Variants in BORCS5 observed in about 807,000 individuals in gnomAD.
BORCS5 encodes the protein BLOC-1-related complex subunit 5.
In BORCS5, 17 loss-of-function variants were observed where a neutral mutation model predicts 22.1. The observed-to-expected ratio is 0.77, with a 90% CI of 0.53 to 1.15. BORCS5 has a LOEUF of 1.15. Ranked by LOEUF, BORCS5 falls within the 50% of genes most tolerant of loss-of-function variation. The pLI, the probability that BORCS5 is intolerant of heterozygous loss-of-function variation, is 0.00. For missense variants in BORCS5, 247 were observed against 253.2 expected, an observed-to-expected ratio of 0.98 and a Z score of 0.17; for synonymous variants, 117 against 99.8, an observed-to-expected ratio of 1.17 and a Z score of -1.03.
chr12:12,394,540 T>TA lies in BORCS5; in HGVS notation c.202+33203dup, dbSNP rs34438755. 5.5e-3 allele frequency among the ~76,000 whole-genome samples: 810 copies of TA among 147,126 alleles called. 6 individuals are homozygous for TA. The highest frequency in any genetic ancestry group is 0.012 in the African/African-American group (475 of 40,036). ...ATGTCACATAATTTTTGCCGCCCTT[T>TA]AAAAAAAAAAAATTTAAAGAGACAG... On this transcript the variant is annotated intron_variant, in intron 2 of 3. Coordinates refer to ENST00000314565, the MANE Select transcript of BORCS5 (RefSeq NM_058169.6).
chr12:12,374,032 G>C (rs1358998411), intron 2 of BORCS5, among the ~76,000 whole-genome samples: 1 of 137,762 alleles, frequency 7.3e-6, no homozygotes, highest in African/African-American at 2.9e-5. Context: ...CTGTCGCCCA[G>C]GCTTGAGTGC....
At chr12:12,432,824 G>C (rs575402895) in intron 2 of BORCS5, among the ~76,000 whole-genome samples, 21 of 152,236 alleles carry the variant, frequency 1.4e-4, no homozygotes, top group Admixed American at 1.4e-3. Flanking sequence ...CTTTTGAAAG[G>C]ACAAAATTTT....
At position 12,465,602 on chromosome 12, in the gene BORCS5, C is replaced by A. The variant is rs757536233; in HGVS notation, c.417C>A (p.Tyr139Ter). Residue 139 changes from tyrosine to a stop codon, truncating the protein, a stop_gained, in exon 4 of 4, where the codon TAC becomes TAA. Transcript: ENST00000314565. LOFTEE classifies it high-confidence loss of function. Reference protein sequence around the residue: ...FSFMQERQKRYAKYAEQIQKV... With the variant: ...FSFMQERQKR ...TCATGCAGGAGCGCCAGAAAAGATA[C>A]GCCAAGTATGCCGAGCAGATCCAGA... is the stretch of plus-strand genomic sequence containing the variant. 1.9e-6 allele frequency: 3 copies of A among 1,614,266 alleles called. No individual in the cohort carries two copies. Among genetic ancestry groups the A allele is most frequent in the Non-Finnish European group, 2.5e-6 (3 of 1,180,048 alleles).
chr12:12,421,715 G>A (rs924896698), intron 2 of BORCS5, among the ~76,000 whole-genome samples: 57 of 152,082 alleles, frequency 3.7e-4, no homozygotes, highest in African/African-American at 1.3e-3. Context: ...ATTAATTATT[G>A]CCTCAATTTC....
At chr12:12,391,037 TG>T (rs2136057924) in intron 2 of BORCS5, among the ~76,000 whole-genome samples, 1 of 152,214 alleles carries the variant, frequency 6.6e-6, no homozygotes, top group Admixed American at 6.5e-5. Context: ...TTCCATCCAT[TG>T]GTTCCAACTC....
At position 12,433,322 on chromosome 12, in the gene BORCS5, C is replaced by CCA. The variant is rs1942476054; in HGVS notation, c.203-2306_203-2305insCA. 4.2e-4 allele frequency among the ~76,000 whole-genome samples: 17 copies of CCA among 40,688 alleles called. No individual in the cohort carries two copies. The South Asian group carries it at 5.6e-3, about 13-fold the overall frequency. 26.7% of individuals were successfully genotyped at this position (40,688 alleles called of 152,430 possible). ...TGGAAGACAGAGCGAGACTGTGTCTCAAAAAAAAAAAAAAAAAAAAAAAAA... is the reference window on the plus strand; with the variant it reads ...TGGAAGACAGAGCGAGACTGTGTCTCCAAAAAAAAAAAAAAAAAAAAAAAAAA... On this transcript the variant is annotated intron_variant, in intron 2 of 3. Transcript: ENST00000314565.
At chr12:12,410,270 CTTTTG>C (rs1254307601) in intron 2 of BORCS5, among the ~76,000 whole-genome samples, 1 of 152,134 alleles carries the variant, frequency 6.6e-6, no homozygotes, top group Non-Finnish European at 1.5e-5. Flanking sequence ...GTTGCCATTG[CTTTTG>C]GTGTTTTTGA....
chr12:12,456,137 C>T (rs1040741324), intron 3 of BORCS5, among the ~76,000 whole-genome samples: 3 of 152,184 alleles, frequency 2.0e-5, no homozygotes, highest in Admixed American at 6.5e-5. Flanking sequence ...AAAAGAACTA[C>T]ATCAAGCATA....
chr12:12,447,384 TC>T, intron 3 of BORCS5, among the ~76,000 whole-genome samples: 1 of 152,086 alleles, frequency 6.6e-6, no homozygotes, highest in Non-Finnish European at 1.5e-5. Context: ...TCCTTATGCC[TC>T]CCTGGTGCAC....
At chr12:12,378,217 C>T (rs1406943232) in intron 2 of BORCS5, among the ~76,000 whole-genome samples, 2 of 152,106 alleles carry the variant, frequency 1.3e-5, no homozygotes, top group Non-Finnish European at 2.9e-5. Flanking sequence ...ACTAAAAATA[C>T]AAAAAGTAGC....
At chr12:12,453,464 T>C (rs1565931550) in intron 3 of BORCS5, among the ~76,000 whole-genome samples, 1 of 152,134 alleles carries the variant, frequency 6.6e-6, no homozygotes, top group Non-Finnish European at 1.5e-5. Context: ...CCTCAACAAT[T>C]TGTTTTAGAG....
In BORCS5 at chr12:12,397,706, G is replaced by C. The variant is rs190347624; in HGVS notation, c.202+36357G>C. ...CTAACTGAAAATAATTCTAAACTTT[G>C]GCTTATTTTATGTGTAGAATAAAAT... On this transcript the variant is annotated intron_variant, in intron 2 of 3. Coordinates refer to ENST00000314565, the MANE Select transcript of BORCS5 (RefSeq NM_058169.6). Among the ~76,000 whole-genome samples the C allele has an allele frequency of 8.4e-3, 1,272 of 152,234 alleles. 18 individuals are homozygous for C. Among genetic ancestry groups the C allele is most frequent in the South Asian group, 0.017 (81 of 4,818 alleles).
chr12:12,425,357 T>G (rs1942257382), intron 2 of BORCS5, among the ~76,000 whole-genome samples: 1 of 152,198 alleles, frequency 6.6e-6, no homozygotes, highest in Non-Finnish European at 1.5e-5. Context: ...GATAAATTCC[T>G]GGTGCTTCCT....
At chr12:12,396,496 A>C (rs1941350482) in intron 2 of BORCS5, among the ~76,000 whole-genome samples, 1 of 152,148 alleles carries the variant, frequency 6.6e-6, no homozygotes, top group Admixed American at 6.5e-5. Flanking sequence ...TGTCTTCCAA[A>C]GTTTGCAGTT....
intron 2 of BORCS5, among the ~76,000 whole-genome samples, chr12:12,424,020 G>A (rs1942213306): frequency 6.6e-6 from 1 of 152,160 alleles, no homozygotes; most frequent in Non-Finnish European, 1.5e-5. Context: ...ATGTGTCCTG[G>A]TGTGGGTCTC....
intron 2 of BORCS5, among the ~76,000 whole-genome samples, chr12:12,413,235 C>T (rs1941792254): frequency 1.0e-5 from 1 of 98,710 alleles, no homozygotes; most frequent in African/African-American, 5.3e-5. Context: ...CGGCCTTCCG[C>T]AGTGTTTGTG....
chr12:12,439,794 G>C, intron 3 of BORCS5, among the ~76,000 whole-genome samples: 1 of 152,186 alleles, frequency 6.6e-6, no homozygotes, highest in Non-Finnish European at 1.5e-5. Context: ...GGCTTTCATT[G>C]GTGGCGTAAT....
At chr12:12,409,049 C>G (rs904885957) in intron 2 of BORCS5, among the ~76,000 whole-genome samples, 13 of 152,014 alleles carry the variant, frequency 8.6e-5, no homozygotes, top group African/African-American at 2.9e-4. Flanking sequence ...TACCATGTTA[C>G]GTCTCCACCA....
chr12:12,432,029 G>C (rs1376770272), intron 2 of BORCS5, among the ~76,000 whole-genome samples: 1 of 152,146 alleles, frequency 6.6e-6, no homozygotes, highest in Non-Finnish European at 1.5e-5. Flanking sequence ...TATATATTAG[G>C]AAGTTTACCC....
Sources: allele counts gnomAD v4.1 joint callset (sites outside exome capture counted in the v4.1 genomes callset), GRCh38; gene constraint gnomAD v4.1.1; transcripts MANE v1.5; gene names NCBI Gene and HGNC (gene_info 2026-07-23, HGNC 2026-07-21).